The following TDRD12 variants were observed in gnomAD, a reference collection of about 807,000 sequenced individuals.
TDRD12 encodes tudor domain containing 12, also known as putative ATP-dependent RNA helicase TDRD12.
A neutral mutation model predicts 133.5 loss-of-function variants in TDRD12; 158 were observed. The ratio of observed to expected loss-of-function variants is 1.18; its 90% confidence interval spans 1.04 to 1.35. The LOEUF is 1.35. Among genes scored for constraint, TDRD12 ranks in the 40% most tolerant of loss-of-function variants. TDRD12 has a pLI of 0.00. For synonymous variants in TDRD12, 460 were observed against 477.9 expected (o/e 0.96, Z 0.49); for missense variants, 1,443 against 1,321.3 (o/e 1.09, Z -1.43).
At position 32,813,542 on chromosome 19, in the gene TDRD12, G is replaced by T. The variant is rs1967077279; in HGVS notation, c.3049-142G>T. ...CTGCTGTTAGCCTTGTGGACGAGAG[G>T]GGGTGATGACCTCTGTGATCTCATA... On this transcript the variant is annotated intron_variant, in intron 24 of 27. Coordinates refer to ENST00000444215, the Ensembl canonical transcript of TDRD12. The T allele has an allele frequency of 3.0e-5, 17 of 575,688 alleles. No homozygotes were observed. In the South Asian group the frequency reaches 3.6e-4, roughly 12 times the overall value. The allele number at this position is 575,688 out of a possible 1,614,324, so 35.7% of individuals were successfully genotyped here. A position where few individuals can be genotyped will look rare whatever the true frequency, so the allele number is the denominator to read the frequency against.
At chr19:32,786,169 T>C (rs1448167794) in intron 11 of TDRD12, among the ~76,000 whole-genome samples, 3 of 152,224 alleles carry the variant, frequency 2.0e-5, no homozygotes, top group East Asian at 3.8e-4. Context: ...TAAGGGATTT[T>C]ATTTCTTCTT....
At chr19:32,720,951 C>T (rs986551946) in intron 1 of TDRD12, among the ~76,000 whole-genome samples, 1 of 151,548 alleles carries the variant, frequency 6.6e-6, no homozygotes, top group African/African-American at 2.4e-5. Flanking sequence ...GTTGCTCCTC[C>T]GAATGCTCGA....
intron 1 of TDRD12, among the ~76,000 whole-genome samples, chr19:32,724,354 A>C (rs1371006912): frequency 1.3e-5 from 2 of 151,960 alleles, no homozygotes; most frequent in African/African-American, 4.8e-5. Context: ...CGCATGTATT[A>C]GTTTTTTTAT....
chr19:32,739,558 CTT>C (rs1969335305), intron 3 of TDRD12, among the ~76,000 whole-genome samples: 2 of 141,428 alleles, frequency 1.4e-5, no homozygotes, highest in African/African-American at 2.7e-5. Flanking sequence ...CTGGGGCTCT[CTT>C]TGCATCTCCT....
At chr19:32,767,275 T>C (rs181351457) in intron 8 of TDRD12, among the ~76,000 whole-genome samples, 2 of 151,752 alleles carry the variant, frequency 1.3e-5, no homozygotes, top group Admixed American at 1.3e-4. Context: ...ATTACAGGTG[T>C]GCACCACTAT....
chr19:32,798,379 C>T, exon 16 of TDRD12: 1 of 1,535,924 alleles, frequency 6.5e-7, no homozygotes. Flanking sequence ...GTTCCTCAGG[C>T]TCTGCCACCT....
At chr19:32,744,086 T>C (rs1264860998) in intron 4 of TDRD12, among the ~76,000 whole-genome samples, 1 of 152,086 alleles carries the variant, frequency 6.6e-6, no homozygotes. Flanking sequence ...ATCTCTTCTT[T>C]CTACTTTTAG....
At chr19:32,721,744 G>A (rs899590303) in intron 1 of TDRD12, among the ~76,000 whole-genome samples, 1 of 143,090 alleles carries the variant, frequency 7.0e-6, no homozygotes, top group Non-Finnish European at 1.5e-5. Context: ...GTCTTGCTCA[G>A]TCACCCAGGC....
intron 8 of TDRD12, among the ~76,000 whole-genome samples, chr19:32,764,688 T>C (rs573019689): frequency 1.2e-4 from 18 of 152,238 alleles, no homozygotes; most frequent in Non-Finnish European, 2.4e-4. Context: ...CTGGCAATTA[T>C]TGAGAAAGAG....
chr19:32,786,399 G>A (rs1330396888), intron 11 of TDRD12, among the ~76,000 whole-genome samples: 5 of 152,100 alleles, frequency 3.3e-5, no homozygotes, highest in Non-Finnish European at 5.9e-5. Context: ...ACAATTGTGT[G>A]TCTTGGGGTT....
At chr19:32,763,049 T>C (rs1284642473) in intron 8 of TDRD12, among the ~76,000 whole-genome samples, 5 of 152,214 alleles carry the variant, frequency 3.3e-5, no homozygotes, top group African/African-American at 1.2e-4. Context: ...ATGATGTTGC[T>C]AGGCAATAGG....
chr19:32,759,103 A>T (rs1425787970), intron 8 of TDRD12, among the ~76,000 whole-genome samples: 1 of 151,388 alleles, frequency 6.6e-6, no homozygotes, highest in Non-Finnish European at 1.5e-5. Flanking sequence ...TTAGCCAGGC[A>T]TGGTGGCGTG....
At chr19:32,800,405 G>A (rs1249751414) in intron 17 of TDRD12, 47 bp downstream of exon 17, 7 of 1,330,492 alleles carry the variant, frequency 5.3e-6, no homozygotes, top group Non-Finnish European at 6.9e-6. Context: ...GTGTGTGTAT[G>A]TGTTGGTGGG....
In TDRD12 at chr19:32,819,743, G is replaced by A. The variant is rs369690031; in HGVS notation, c.3384-1290G>A. 7.2e-4 allele frequency among the ~76,000 whole-genome samples: 109 copies of A among 152,322 alleles called. 1 individual carries two copies. The East Asian group carries it at 0.013, about 19-fold the overall frequency. ...GATCCTGACAGGTAGAGAGGGAATG[G>A]CGAGAATATTTCATGCTGTGACCCG... On this transcript the variant is annotated intron_variant, in intron 27 of 27. Transcript: ENST00000444215.
chr19:32,808,718 T>TA (rs570152505), intron 22 of TDRD12, among the ~76,000 whole-genome samples: 16 of 152,180 alleles, frequency 1.1e-4, no homozygotes, highest in Non-Finnish European at 2.1e-4. Flanking sequence ...ATTGAATTTT[T>TA]AAAAAAATTT....
In TDRD12 at chr19:32,800,278, C is replaced by T. The variant is rs151217088; in HGVS notation, c.1870C>T (p.Leu624Phe). ...TCATTGGAACAAACATATAGAACAT[C>T]TCATCAAAGAGTTCATGAATGATCC... Residue 624 changes from leucine to phenylalanine, a missense_variant, in exon 17 of 28, where the codon CTC (leucine) becomes TTC (phenylalanine). By Grantham distance (22) the Leu-to-Phe change is conservative (BLOSUM62 0). Transcript: ENST00000444215. 226 of 1,535,170 alleles carry T rather than the reference C, an allele frequency of 1.5e-4. No individual in the cohort carries two copies. The East Asian group carries it at 4.5e-3, about 31-fold the overall frequency.
intron 3 of TDRD12, among the ~76,000 whole-genome samples, chr19:32,740,622 C>T (rs143239391): frequency 1.9e-4 from 29 of 152,164 alleles, no homozygotes; most frequent in African/African-American, 6.3e-4. Flanking sequence ...TGCTCCTTGC[C>T]GGCTGCTCTC....
At chr19:32,729,778 C>CTTTTTTTTTTTT (rs1162347194) in intron 1 of TDRD12, among the ~76,000 whole-genome samples, 872 of 73,640 alleles carry the variant, frequency 0.012, 20 homozygotes, top group Non-Finnish European at 0.016. Context: ...TTTTCTTTTT[C>CTTTTTTTTTTTT]TTTTTTTTTT....
intron 13 of TDRD12, among the ~76,000 whole-genome samples, chr19:32,791,450 A>C (rs954845450): frequency 1.3e-5 from 2 of 152,204 alleles, no homozygotes. Context: ...TTTCATTTGG[A>C]AAATTGATCA....
Sources: gnomAD v4.1 joint callset for allele counts (sites outside exome capture counted in the v4.1 genomes callset) on GRCh38, gnomAD v4.1.1 for gene constraint, MANE v1.5 for transcripts, NCBI Gene and HGNC (gene_info 2026-07-23, HGNC 2026-07-21) for gene names.